The following PAK1IP1 variants were observed in gnomAD, a reference collection of about 807,000 sequenced individuals.
PAK1IP1 encodes the protein PAK1 interacting protein 1, also known as p21-activated protein kinase-interacting protein 1.
Under a neutral mutation model 42.0 loss-of-function variants are expected in PAK1IP1, and 24 were observed. The ratio of observed to expected loss-of-function variants is 0.57; its 90% CI spans 0.41 to 0.80. PAK1IP1 has a LOEUF of 0.80. Ranked by LOEUF, PAK1IP1 falls within the 30% of genes least tolerant of loss-of-function variation. The pLI is 0.00. For synonymous variants in PAK1IP1, 154 were observed against 156.7 expected (o/e 0.98, Z 0.13); for missense variants, 411 against 467.9 (o/e 0.88, Z 1.12).
At chr6:10,692,070 G>C (rs576103707), upstream of PAK1IP1, among the ~76,000 whole-genome samples, 17 of 152,278 alleles carry the variant, frequency 1.1e-4, 1 homozygote, top group East Asian at 2.9e-3. Flanking sequence ...TCAAACAGCA[G>C]TTGAGATGTC....
chr6:10,694,600 G>C (rs1027957407), upstream of PAK1IP1: 1 of 173,680 alleles, frequency 5.8e-6, no homozygotes, highest in African/African-American at 2.4e-5. Context: ...CAGCCCCTAA[G>C]CAACCGGCCG....
chr6:10,694,601 C>T (rs1769705711), upstream of PAK1IP1: 5 of 175,890 alleles, frequency 2.8e-5, no homozygotes, highest in South Asian at 2.2e-4. Flanking sequence ...AGCCCCTAAG[C>T]AACCGGCCGG....
chr6:10,692,870 CTGAGAA>C (rs1482137677), upstream of PAK1IP1, among the ~76,000 whole-genome samples: 1 of 152,170 alleles, frequency 6.6e-6, no homozygotes, highest in Non-Finnish European at 1.5e-5. Flanking sequence ...TTCCACTAGA[CTGAGAA>C]TTAGTTTGTC....
Position 10,703,430 on chromosome 6 carries a change from T to TCAGC in PAK1IP1, c.470_473dup (p.Phe159SerfsTer29). ...AACGTGGAATCTTGTAGAAGGAAGA[T>TCAGC]CAGCATTCATAAAAAATATAAAACA... On this transcript the variant is annotated frameshift_variant, in exon 5 of 10. Transcript: ENST00000379568. LOFTEE classifies it high-confidence loss of function. 6.2e-7 allele frequency: 1 copy of TCAGC among 1,611,644 alleles called. No homozygotes were observed.
At chr6:10,693,383 T>C (rs1333559557), upstream of PAK1IP1, among the ~76,000 whole-genome samples, 4 of 152,250 alleles carry the variant, frequency 2.6e-5, no homozygotes, top group African/African-American at 9.6e-5. Flanking sequence ...TCACCAATTA[T>C]CTATTTCTAA....
chr6:10,707,638 T>A lies in PAK1IP1; in HGVS notation c.840+124T>A, dbSNP rs565669727. 27 of 620,362 alleles carry A rather than the reference T, an allele frequency of 4.4e-5. No individual in the cohort carries two copies. In the East Asian group the frequency reaches 7.4e-4, roughly 17 times the overall value. 38.4% of individuals were successfully genotyped at this position (620,362 alleles called of 1,614,324 possible). A position where few individuals can be genotyped will look rare whatever the true frequency, so the allele number is the denominator to read the frequency against. On this transcript the variant is annotated intron_variant, in intron 8 of 9. Coordinates refer to ENST00000379568, the MANE Select transcript of PAK1IP1 (RefSeq NM_017906.3). ...TTTTTAAATCTCTTCCAGGCATGAT[T>A]GATATTAATGGTTTTAAAATTAGGG...
At chr6:10,700,733 AAGG>A in intron 2 of PAK1IP1, among the ~76,000 whole-genome samples, 1 of 152,316 alleles carries the variant, frequency 6.6e-6, no homozygotes, top group Non-Finnish European at 1.5e-5. Flanking sequence ...AATTACATAG[AAGG>A]AGTTTAGATT....
At chr6:10,703,616 C>T (rs1770105789) in intron 5 of PAK1IP1, among the ~76,000 whole-genome samples, 159 bp downstream of exon 5, 1 of 152,144 alleles carries the variant, frequency 6.6e-6, no homozygotes, top group South Asian at 2.1e-4. Flanking sequence ...GTTTCATACA[C>T]AAAATTATTT....
At chr6:10,694,928 C>G, upstream of PAK1IP1, 71 of 609,030 alleles carry the variant, frequency 1.2e-4, no homozygotes, top group Non-Finnish European at 1.4e-4. Context: ...TTTTTGGTTT[C>G]CGGTTCTGTC....
rs548226729 is a variant in PAK1IP1, at chr6:10,702,592, C to T, written c.396C>T (p.His132=). Residue 132 remains histidine, a synonymous_variant, in exon 4 of 10, where the codon CAC becomes CAT. Coordinates refer to ENST00000379568, the MANE Select transcript of PAK1IP1 (RefSeq NM_017906.3). ...HKGQVTFLSI[H]PSGKLALSVG... is the part of the protein sequence containing the mutation. Reference sequence around the variant, plus strand: ...GACAGGTGACCTTCCTTTCTATTCACCCATCTGGCAAGTTGGCCCTGTCGG... The same window carrying T: ...GACAGGTGACCTTCCTTTCTATTCATCCATCTGGCAAGTTGGCCCTGTCGG... The T allele has an allele frequency of 2.5e-6, 4 of 1,613,856 alleles. No individual in the cohort carries two copies. In the East Asian group the frequency reaches 6.7e-5, roughly 27 times the overall value.
intron 1 of PAK1IP1, among the ~76,000 whole-genome samples, 176 bp downstream of exon 1, chr6:10,695,245 T>C (rs1368035221): frequency 6.6e-6 from 1 of 152,178 alleles, no homozygotes; most frequent in African/African-American, 2.4e-5. Flanking sequence ...GGACATTTTA[T>C]CAAAATGAGG....
intron 1 of PAK1IP1, among the ~76,000 whole-genome samples, chr6:10,696,875 T>C (rs1217169334): frequency 6.6e-6 from 1 of 152,202 alleles, no homozygotes; most frequent in Non-Finnish European, 1.5e-5. Flanking sequence ...TATCAACTGC[T>C]TGGAATAGTG....
At chr6:10,693,734 C>CT (rs368455566), upstream of PAK1IP1, among the ~76,000 whole-genome samples, 105 of 151,744 alleles carry the variant, frequency 6.9e-4, no homozygotes, top group African/African-American at 2.0e-3. Context: ...TTAAATAAAA[C>CT]TTTTTTTTTC....
upstream of PAK1IP1, among the ~76,000 whole-genome samples, chr6:10,692,794 G>A (rs945262378): frequency 1.3e-5 from 2 of 152,278 alleles, no homozygotes; most frequent in South Asian, 4.1e-4. Flanking sequence ...AAAGTGCTGG[G>A]ATTACAGGAG....
rs577126455 is a variant in PAK1IP1, at chr6:10,696,774, C to T, written c.85-550C>T. ...CCTGGCCAATGTGGTGAAACCCTGT[C>T]TCTACCAAAATTAGCTGGGCATGAT... On this transcript the variant is annotated intron_variant, in intron 1 of 9. Coordinates refer to ENST00000379568, the MANE Select transcript of PAK1IP1 (RefSeq NM_017906.3). 1.2e-3 allele frequency among the ~76,000 whole-genome samples: 178 copies of T among 152,310 alleles called. 1 individual carries two copies. Among genetic ancestry groups the T allele is most frequent in the African/African-American group, 4.1e-3 (172 of 41,568 alleles).
At chr6:10,704,283 C>G (rs1770133318) in intron 5 of PAK1IP1, among the ~76,000 whole-genome samples, 1 of 152,104 alleles carries the variant, frequency 6.6e-6, no homozygotes, top group African/African-American at 2.4e-5. Flanking sequence ...CCTTGGCCTC[C>G]CAAAGTGCTG....
intron 5 of PAK1IP1, among the ~76,000 whole-genome samples, chr6:10,704,016 T>C (rs1770124190): frequency 1.3e-5 from 2 of 151,940 alleles, no homozygotes; most frequent in Non-Finnish European, 2.9e-5. Flanking sequence ...TTTTATTTTA[T>C]ATTTTTTATT....
At chr6:10,692,365 C>CA (rs1349362507), upstream of PAK1IP1, among the ~76,000 whole-genome samples, 2 of 152,136 alleles carry the variant, frequency 1.3e-5, no homozygotes, top group East Asian at 1.9e-4. Context: ...TTACACATTA[C>CA]AAAAAAAGTA....
rs139727268 is a variant in PAK1IP1, at chr6:10,697,736, A to G, written c.247+250A>G. ...CAGACCTGTCTCTACTAAAATACAA[A>G]AAAAATTAGCCAGGTGTGGTGGCAC... On this transcript the variant is annotated intron_variant, in intron 2 of 9. Coordinates refer to ENST00000379568, the MANE Select transcript of PAK1IP1 (RefSeq NM_017906.3). Among the ~76,000 whole-genome samples the G allele has an allele frequency of 3.3e-5, 5 of 152,090 alleles. No individual in the cohort carries two copies. The East Asian group carries it at 9.7e-4, about 29-fold the overall frequency.
Sources: gnomAD v4.1 joint callset for allele counts (sites outside exome capture counted in the v4.1 genomes callset) on GRCh38, gnomAD v4.1.1 for gene constraint, MANE v1.5 for transcripts, NCBI Gene and HGNC (gene_info 2026-07-23, HGNC 2026-07-21) for gene names.